The following FSIP1 variants were observed in gnomAD, a reference collection of about 807,000 sequenced individuals.
FSIP1 encodes the protein fibrous sheath interacting protein 1, also known as fibrous sheath-interacting protein 1.
In FSIP1, 65 loss-of-function variants were observed where a neutral mutation model predicts 60.9. That is an observed-to-expected ratio of 1.07 (90% CI 0.87 to 1.31). The LOEUF (loss-of-function observed/expected upper bound fraction) is 1.31, where lower values mean the gene tolerates loss of function less well. Among genes scored for constraint, FSIP1 ranks in the 40% most tolerant of loss-of-function variants. FSIP1 has a pLI of 0.00. For synonymous variants in FSIP1, 209 were observed against 221.2 expected, an observed-to-expected ratio of 0.94 and a Z score of 0.49; for missense variants, 675 against 665.5, an observed-to-expected ratio of 1.01 and a Z score of -0.16.
At chr15:39,757,835 C>T (rs922635756) in intron 5 of FSIP1, among the ~76,000 whole-genome samples, 63 of 152,138 alleles carry the variant, frequency 4.1e-4, no homozygotes, top group African/African-American at 1.4e-3. Context: ...CAACAGACAT[C>T]TGGTTCACCT....
chr15:39,621,468 C>T (rs1019640255), intron 10 of FSIP1, among the ~76,000 whole-genome samples: 2 of 152,226 alleles, frequency 1.3e-5, no homozygotes, highest in Admixed American at 1.3e-4. Flanking sequence ...GGGCTTCTAT[C>T]CAAGCTTTGC....
intron 10 of FSIP1, among the ~76,000 whole-genome samples, chr15:39,654,315 G>C (rs1269060966): frequency 6.6e-6 from 1 of 152,196 alleles, no homozygotes; most frequent in Non-Finnish European, 1.5e-5. Context: ...CAGTAGGTTT[G>C]TTTACACCAG....
intron 10 of FSIP1, among the ~76,000 whole-genome samples, chr15:39,676,033 C>T (rs1893924352): frequency 6.6e-6 from 1 of 150,516 alleles, no homozygotes; most frequent in South Asian, 2.1e-4. Flanking sequence ...AATAGCCGTG[C>T]GTGGCAGTGT....
At chr15:39,719,443 G>C (rs766134987) in intron 9 of FSIP1, among the ~76,000 whole-genome samples, 3 of 152,216 alleles carry the variant, frequency 2.0e-5, no homozygotes, top group Non-Finnish European at 4.4e-5. Flanking sequence ...TGGTTGCCAA[G>C]AGATTCTGAG....
intron 10 of FSIP1, among the ~76,000 whole-genome samples, chr15:39,663,930 T>C (rs1218189635): frequency 6.6e-6 from 1 of 152,234 alleles, no homozygotes; most frequent in Non-Finnish European, 1.5e-5. Flanking sequence ...CTCCAAGGTA[T>C]TGTTTATTAA....
chr15:39,719,715 C>T (rs1042305732), intron 9 of FSIP1, among the ~76,000 whole-genome samples: 1 of 152,176 alleles, frequency 6.6e-6, no homozygotes, highest in Non-Finnish European at 1.5e-5. Flanking sequence ...GTGTGTCTGG[C>T]AGTACCAAAA....
At chr15:39,761,676 T>C (rs543569685) in intron 5 of FSIP1, among the ~76,000 whole-genome samples, 1 of 152,312 alleles carries the variant, frequency 6.6e-6, no homozygotes, top group Non-Finnish European at 1.5e-5. Context: ...ATATCATCAA[T>C]AAGGATGTAT....
At chr15:39,710,648 G>A (rs934307441) in intron 10 of FSIP1, among the ~76,000 whole-genome samples, 2 of 152,078 alleles carry the variant, frequency 1.3e-5, no homozygotes, top group African/African-American at 4.8e-5. Context: ...CATTAATCAT[G>A]AAAAGGAAAT....
At chr15:39,765,569 G>A (rs937644919) in intron 4 of FSIP1, 23 bp downstream of exon 4, 1 of 1,537,802 alleles carries the variant, frequency 6.5e-7, no homozygotes, top group Admixed American at 2.1e-5. Flanking sequence ...TTACATGTCA[G>A]CATAAGGTTA....
chr15:39,677,311 T>TA (rs2140480035), intron 10 of FSIP1, among the ~76,000 whole-genome samples: 1 of 152,316 alleles, frequency 6.6e-6, no homozygotes, highest in East Asian at 1.9e-4. Context: ...ACAATGTTGG[T>TA]GACATATGAA....
At chr15:39,658,579 T>C (rs930285898) in intron 10 of FSIP1, among the ~76,000 whole-genome samples, 5 of 152,184 alleles carry the variant, frequency 3.3e-5, no homozygotes, top group Non-Finnish European at 7.4e-5. Context: ...ATTTCTTTAA[T>C]AAAGATAACT....
chr15:39,647,618 T>C (rs561930396), intron 10 of FSIP1, among the ~76,000 whole-genome samples: 2 of 152,290 alleles, frequency 1.3e-5, no homozygotes, highest in East Asian at 3.9e-4. Context: ...TACTCAGATT[T>C]TGGTGTTTTC....
chr15:39,695,970 C>A lies in FSIP1; in HGVS notation c.1188+17474G>T, dbSNP rs144836214. Among the ~76,000 whole-genome samples, 533 of 152,286 alleles carry A rather than the reference C, an allele frequency of 3.5e-3. 4 individuals are homozygous for A. Among genetic ancestry groups the A allele is most frequent in the African/African-American group, 0.012 (509 of 41,556 alleles). ...CTTCAAAGGTAGTAGCAGGCGCTTTCGCAAGAACATAATTAGATGGTGATT... is the reference window on the plus strand; with the variant it reads ...CTTCAAAGGTAGTAGCAGGCGCTTTAGCAAGAACATAATTAGATGGTGATT... On this transcript the variant is annotated intron_variant, in intron 10 of 11. Transcript: ENST00000350221.
chr15:39,765,156 T>C (rs76122397), intron 4 of FSIP1, among the ~76,000 whole-genome samples: 2,237 of 151,622 alleles, frequency 0.015, 54 homozygotes, highest in African/African-American at 0.052. Context: ...CCACTGCCAC[T>C]ACCTCCACAA....
chr15:39,694,822 TA>T (rs200392359), intron 10 of FSIP1, among the ~76,000 whole-genome samples: 1,883 of 151,152 alleles, frequency 0.012, 35 homozygotes, highest in African/African-American at 0.038. Flanking sequence ...AAATAAAAAA[TA>T]AAAAAAAGAT....
chr15:39,603,956 TTTG>T (rs374312163), intron 11 of FSIP1, among the ~76,000 whole-genome samples: 1 of 152,098 alleles, frequency 6.6e-6, no homozygotes, highest in Non-Finnish European at 1.5e-5. Context: ...TACATTTCTT[TTTG>T]TTGTTGTTGT....
chr15:39,746,578 A>G (rs77193726), intron 5 of FSIP1, among the ~76,000 whole-genome samples: 11,269 of 152,232 alleles, frequency 0.074, 831 homozygotes, highest in Admixed American at 0.22. Context: ...GTGTGGATGG[A>G]TTTTACCTCA....
chr15:39,689,976 T>C (rs937228839), intron 10 of FSIP1, among the ~76,000 whole-genome samples: 3 of 152,228 alleles, frequency 2.0e-5, no homozygotes, highest in Non-Finnish European at 4.4e-5. Flanking sequence ...TAGGCTTTAA[T>C]GTTGGGATTC....
chr15:39,711,676 C>CTTTTTTT lies in FSIP1; in HGVS notation c.1188+1761_1188+1767dup, dbSNP rs66840718. Among the ~76,000 whole-genome samples the CTTTTTTT allele has an allele frequency of 1.9e-3, 165 of 85,748 alleles. 3 individuals are homozygous for CTTTTTTT. The highest frequency in any genetic ancestry group is 2.7e-3 in the African/African-American group (54 of 19,834). 56.3% of individuals were successfully genotyped at this position (85,748 alleles called of 152,430 possible). A position where few individuals can be genotyped will look rare whatever the true frequency, so the allele number is the denominator to read the frequency against. On this transcript the variant is annotated intron_variant, in intron 10 of 11. Coordinates refer to ENST00000350221, the MANE Select transcript of FSIP1 (RefSeq NM_152597.5). ...TTACACTTCCCTACCATTCCTACTT[C>CTTTTTTT]TTTTTTTTTTTTTTTTTTTTTTTTG... is the stretch of plus-strand genomic sequence containing the variant.
Sources: gnomAD v4.1 joint callset for allele counts (sites outside exome capture counted in the v4.1 genomes callset) on GRCh38, gnomAD v4.1.1 for gene constraint, MANE v1.5 for transcripts, NCBI Gene and HGNC (gene_info 2026-07-23, HGNC 2026-07-21) for gene names.